ALK: variants seen among roughly 807,000 people sequenced by gnomAD.
The protein encoded by ALK is ALK tyrosine kinase receptor.
Under a neutral mutation model 163.1 loss-of-function variants are expected in ALK, and 74 were observed. The observed-to-expected ratio is 0.45, with a 90% CI of 0.38 to 0.55. The LOEUF is 0.55. Among genes scored for constraint, ALK ranks in the 20% least tolerant of loss-of-function variants. The probability of loss-of-function intolerance (pLI) is 0.00; values close to 1 mark genes in which losing one functional copy is unlikely to be tolerated. For missense variants in ALK, 2,063 were observed against 2,105.3 expected (o/e 0.98, Z 0.39); for synonymous variants, 960 against 843.2 (o/e 1.14, Z -2.40).
intron 1 of ALK, among the ~76,000 whole-genome samples, chr2:29,729,219 C>T (rs973672054): frequency 2.6e-5 from 4 of 152,228 alleles, no homozygotes; most frequent in African/African-American, 7.2e-5. Context: ...CACGGATAAG[C>T]CCTGGCTTGC....
chr2:29,760,481 A>G (rs1164641844), intron 1 of ALK, among the ~76,000 whole-genome samples: 6 of 152,206 alleles, frequency 3.9e-5, no homozygotes, highest in Admixed American at 2.0e-4. Flanking sequence ...ATAAGTGCAA[A>G]TATCATTGGC....
At chr2:29,364,199 T>C (rs962490685) in intron 5 of ALK, among the ~76,000 whole-genome samples, 4 of 152,204 alleles carry the variant, frequency 2.6e-5, no homozygotes, top group African/African-American at 7.2e-5. Flanking sequence ...CTACGGCAGA[T>C]ACCTGGTGTT....
intron 2 of ALK, among the ~76,000 whole-genome samples, chr2:29,701,897 C>T (rs1197675198): frequency 6.6e-6 from 1 of 152,134 alleles, no homozygotes; most frequent in Non-Finnish European, 1.5e-5. Flanking sequence ...TGATGTGTTT[C>T]CTTCCTGTGA....
chr2:29,451,440 C>T (rs1670818751), intron 4 of ALK, among the ~76,000 whole-genome samples: 1 of 152,160 alleles, frequency 6.6e-6, no homozygotes, highest in Non-Finnish European at 1.5e-5. Flanking sequence ...GCCCTCCTTC[C>T]TGCTAAAATC....
At chr2:29,741,663 G>C (rs191012354) in intron 1 of ALK, among the ~76,000 whole-genome samples, 1 of 152,270 alleles carries the variant, frequency 6.6e-6, no homozygotes, top group African/African-American at 2.4e-5. Context: ...TCAATGAGAA[G>C]CTGACAGCAA....
At chr2:29,223,217 G>T (rs1357476304) in intron 20 of ALK, 125 bp downstream of exon 20, 1 of 974,920 alleles carries the variant, frequency 1.0e-6, no homozygotes, top group Non-Finnish European at 1.6e-6. Context: ...CTCCTAGGAG[G>T]GCTAGGGGTG....
chr2:29,625,895 TC>T (rs1445440522), intron 3 of ALK, among the ~76,000 whole-genome samples: 2 of 152,210 alleles, frequency 1.3e-5, no homozygotes, highest in Admixed American at 6.5e-5. Flanking sequence ...AAGGCAGACA[TC>T]CACTGAGGTC....
chr2:29,710,916 G>A (rs1390322399), intron 2 of ALK, among the ~76,000 whole-genome samples: 3 of 152,144 alleles, frequency 2.0e-5, no homozygotes, highest in African/African-American at 7.2e-5. Flanking sequence ...CTGTCTTGAA[G>A]GCATTTCAAA....
At chr2:29,904,464 G>A (rs1667488491) in intron 1 of ALK, among the ~76,000 whole-genome samples, 1 of 152,048 alleles carries the variant, frequency 6.6e-6, no homozygotes, top group African/African-American at 2.4e-5. Context: ...AAATGAGATA[G>A]AAAGGAAGCC....
At chr2:29,717,066 G>A (rs537116556) in intron 2 of ALK, among the ~76,000 whole-genome samples, 6 of 151,166 alleles carry the variant, frequency 4.0e-5, no homozygotes, top group African/African-American at 1.5e-4. Flanking sequence ...CAGCTACTCG[G>A]GAGGCTGAGG....
chr2:29,400,277 G>A (rs907523419), intron 4 of ALK, among the ~76,000 whole-genome samples: 3 of 152,192 alleles, frequency 2.0e-5, no homozygotes, highest in African/African-American at 7.2e-5. Context: ...TAAAATTAGT[G>A]ATAAATATAA....
chr2:29,379,527 C>T (rs1668843074), intron 5 of ALK, among the ~76,000 whole-genome samples: 1 of 152,166 alleles, frequency 6.6e-6, no homozygotes, highest in East Asian at 1.9e-4. Context: ...AATTATAAAA[C>T]ACCTACTAAA....
intron 3 of ALK, among the ~76,000 whole-genome samples, chr2:29,538,372 T>C (rs907228410): frequency 1.2e-4 from 18 of 152,142 alleles, no homozygotes; most frequent in African/African-American, 4.1e-4. Context: ...GCTCAGTTAG[T>C]TATGTGAGAT....
intron 1 of ALK, among the ~76,000 whole-genome samples, chr2:29,806,469 T>C (rs1449322515): frequency 6.6e-6 from 1 of 151,850 alleles, no homozygotes; most frequent in South Asian, 2.1e-4. Context: ...ACAATTAAAG[T>C]TGGGAGAGAA....
At chr2:29,548,643 T>C (rs1673627837) in intron 3 of ALK, among the ~76,000 whole-genome samples, 4 of 152,134 alleles carry the variant, frequency 2.6e-5, no homozygotes, top group South Asian at 4.2e-4. Context: ...TGAACTTCTA[T>C]AAGCACAGGG....
Position 29,560,783 on chromosome 2 carries a change from G to C in ALK, c.953-28667C>G, listed in dbSNP as rs563976389. On this transcript the variant is annotated intron_variant, in intron 3 of 28. Coordinates refer to ENST00000389048, the MANE Select transcript of ALK (RefSeq NM_004304.5). ...GACTGGGTTTTGGCATGTTGCCCAGGCTGGTCTCGAACTCCTGGACTCAAG... is the reference window on the plus strand; with the variant it reads ...GACTGGGTTTTGGCATGTTGCCCAGCCTGGTCTCGAACTCCTGGACTCAAG... 2.0e-5 allele frequency among the ~76,000 whole-genome samples: 3 copies of C among 152,178 alleles called. No individual in the cohort carries two copies. The South Asian group carries it at 6.2e-4, about 32-fold the overall frequency.
At chr2:29,296,323 A>G (rs1024669345) in intron 9 of ALK, among the ~76,000 whole-genome samples, 1 of 152,208 alleles carries the variant, frequency 6.6e-6, no homozygotes, top group South Asian at 2.1e-4. Context: ...ACCTGACTCA[A>G]CAGAGAACAC....
chr2:29,506,948 C>T (rs923762051), intron 4 of ALK, among the ~76,000 whole-genome samples: 42 of 152,032 alleles, frequency 2.8e-4, no homozygotes, highest in African/African-American at 9.9e-4. Flanking sequence ...GATGCAGCCA[C>T]TATGGAAACA....
At chr2:29,784,919 C>T (rs1158608605) in intron 1 of ALK, among the ~76,000 whole-genome samples, 1 of 152,022 alleles carries the variant, frequency 6.6e-6, no homozygotes, top group Non-Finnish European at 1.5e-5. Flanking sequence ...ACTAGAAGAC[C>T]TACGAGAAAT....
Sources: gnomAD v4.1 joint callset for allele counts (sites outside exome capture counted in the v4.1 genomes callset) on GRCh38, gnomAD v4.1.1 for gene constraint, MANE v1.5 for transcripts, NCBI Gene and HGNC (gene_info 2026-07-23, HGNC 2026-07-21) for gene names.